CAMK1D: variants seen among roughly 807,000 people sequenced by gnomAD.
CAMK1D encodes calcium/calmodulin dependent protein kinase ID.
A neutral mutation model predicts 47.7 loss-of-function variants in CAMK1D; 9 were observed. The observed-to-expected ratio is 0.19, with a 90% confidence interval of 0.11 to 0.33. CAMK1D has a LOEUF of 0.33. Ranked by LOEUF, CAMK1D falls within the 10% of genes least tolerant of loss-of-function variation. CAMK1D has a pLI of 1.00. For synonymous variants in CAMK1D, 184 were observed against 184.9 expected (o/e 0.99, Z 0.04); for missense variants, 291 against 488.7 (o/e 0.60, Z 3.81).
intron 2 of CAMK1D, among the ~76,000 whole-genome samples, chr10:12,657,460 A>G (rs1240233593): frequency 1.3e-5 from 2 of 152,016 alleles, no homozygotes; most frequent in Admixed American, 6.5e-5. Flanking sequence ...ATAAATAAAA[A>G]CACCTTTCTG....
chr10:12,514,111 C>T (rs1835118001), intron 1 of CAMK1D, among the ~76,000 whole-genome samples: 1 of 152,166 alleles, frequency 6.6e-6, no homozygotes, highest in Non-Finnish European at 1.5e-5. Flanking sequence ...CATAATGGAT[C>T]TGAAAGTGCT....
intron 5 of CAMK1D, among the ~76,000 whole-genome samples, chr10:12,777,247 A>C (rs1400455642): frequency 6.6e-6 from 1 of 152,150 alleles, no homozygotes; most frequent in Non-Finnish European, 1.5e-5. Flanking sequence ...TGAAGTAGAA[A>C]GAGTGCTGGC....
chr10:12,659,903 A>C (rs916496972), intron 2 of CAMK1D, among the ~76,000 whole-genome samples: 9 of 152,154 alleles, frequency 5.9e-5, no homozygotes, highest in African/African-American at 2.2e-4. Context: ...AGTGCCTGAA[A>C]AGCGGACCGG....
intron 2 of CAMK1D, 73 bp from the exon 3 acceptor site, chr10:12,666,663 C>T: frequency 1.7e-6 from 2 of 1,204,546 alleles, no homozygotes; most frequent in East Asian, 2.3e-5. Context: ...CTTTTTGCTA[C>T]AATGCTGTCT....
chr10:12,396,545 C>T (rs1414007885), intron 1 of CAMK1D, among the ~76,000 whole-genome samples: 1 of 152,200 alleles, frequency 6.6e-6, no homozygotes, highest in Non-Finnish European at 1.5e-5. Flanking sequence ...CTTCCAGGCC[C>T]TCTGTGATGT....
At chr10:12,640,485 G>A (rs903524687) in intron 2 of CAMK1D, among the ~76,000 whole-genome samples, 2 of 152,048 alleles carry the variant, frequency 1.3e-5, no homozygotes, top group African/African-American at 2.4e-5. Flanking sequence ...TTGTATGGAT[G>A]GAAATGAGCC....
intron 1 of CAMK1D, among the ~76,000 whole-genome samples, chr10:12,486,676 G>A (rs1834229222): frequency 6.6e-6 from 1 of 152,218 alleles, no homozygotes; most frequent in Non-Finnish European, 1.5e-5. Flanking sequence ...TAAAAAGGCA[G>A]CAATGAAGCA....
chr10:12,615,463 TGA>T (rs1298979103), intron 2 of CAMK1D, among the ~76,000 whole-genome samples: 4 of 149,990 alleles, frequency 2.7e-5, no homozygotes, highest in Non-Finnish European at 4.4e-5. Flanking sequence ...TGTGTAGGTG[TGA>T]GTGTGTGCAC....
chr10:12,597,596 C>T (rs76963734), intron 2 of CAMK1D, among the ~76,000 whole-genome samples: 5,650 of 152,264 alleles, frequency 0.037, 285 homozygotes, highest in East Asian at 0.1. Flanking sequence ...AGGGGCACTT[C>T]CATGGCCCAG....
At chr10:12,621,582 C>A (rs1483738198) in intron 2 of CAMK1D, among the ~76,000 whole-genome samples, 5 of 152,082 alleles carry the variant, frequency 3.3e-5, no homozygotes. Context: ...TATACCTAAG[C>A]ATTTTCCTTA....
chr10:12,653,972 G>T (rs974002205), intron 2 of CAMK1D, among the ~76,000 whole-genome samples: 2 of 152,188 alleles, frequency 1.3e-5, no homozygotes, highest in Non-Finnish European at 2.9e-5. Flanking sequence ...ACCCTTCCAT[G>T]TGGGTATCAG....
At chr10:12,560,757 G>T (rs1300025040) in intron 2 of CAMK1D, among the ~76,000 whole-genome samples, 1 of 152,004 alleles carries the variant, frequency 6.6e-6, no homozygotes, top group Non-Finnish European at 1.5e-5. Context: ...TCTCTGGAAA[G>T]CTCGCACTGG....
intron 8 of CAMK1D, among the ~76,000 whole-genome samples, chr10:12,817,990 T>C (rs1419254105): frequency 6.6e-6 from 1 of 152,124 alleles, no homozygotes; most frequent in African/African-American, 2.4e-5. Context: ...CGCTGGCCTG[T>C]AGTGATTGTT....
chr10:12,767,624 G>A lies in CAMK1D; in HGVS notation c.439-2049G>A, dbSNP rs117357425. Among the ~76,000 whole-genome samples the A allele has an allele frequency of 2.0e-5, 3 of 152,308 alleles. No individual in the cohort carries two copies. The East Asian group carries it at 5.8e-4, about 29-fold the overall frequency. On this transcript the variant is annotated intron_variant, in intron 4 of 10. Transcript: ENST00000619168. ...GTAGGGAGACATGAGACATCAATCA[G>A]TATGTGTAAGATGTACATTGGCTAG...
At position 12,598,469 on chromosome 10, in the gene CAMK1D, C is replaced by T. The variant is rs143562976; in HGVS notation, c.224+45113C>T. Among the ~76,000 whole-genome samples, 470 of 152,294 alleles carry T rather than the reference C, an allele frequency of 3.1e-3. 1 individual carries two copies. Among genetic ancestry groups the T allele is most frequent in the African/African-American group, 0.011 (451 of 41,560 alleles). On this transcript the variant is annotated intron_variant, in intron 2 of 10. Transcript: ENST00000619168. ...CTATTTCTTGAGTACTTACTATGTA[C>T]TGGGCAGCATTTTCCATATCTCAGG...
intron 1 of CAMK1D, among the ~76,000 whole-genome samples, chr10:12,400,194 G>A (rs1316055172): frequency 2.0e-5 from 3 of 152,168 alleles, no homozygotes; most frequent in African/African-American, 7.2e-5. Context: ...GAATTTCAAG[G>A]GAGTGGCAAG....
Position 12,538,855 on chromosome 10 carries a change from A to C in CAMK1D, c.93-14370A>C, listed in dbSNP as rs951189210. 7.5e-5 allele frequency among the ~76,000 whole-genome samples: 11 copies of C among 146,408 alleles called. 1 individual carries two copies. Among genetic ancestry groups the C allele is most frequent in the Admixed American group, 7.1e-4 (10 of 14,084 alleles). On this transcript the variant is annotated intron_variant, in intron 1 of 10. Transcript: ENST00000619168. ...GTGGGGGAGGGGGGCAGTGGAACTC[A>C]TGTCCATATTGCAGGTGGCAAAACT...
At chr10:12,675,662 G>T (rs1449039400) in intron 3 of CAMK1D, among the ~76,000 whole-genome samples, 1 of 152,146 alleles carries the variant, frequency 6.6e-6, no homozygotes, top group Non-Finnish European at 1.5e-5. Flanking sequence ...CCACTGTGCT[G>T]TTCTTTTTTA....
At chr10:12,515,197 A>G (rs181065083) in intron 1 of CAMK1D, among the ~76,000 whole-genome samples, 1 of 151,970 alleles carries the variant, frequency 6.6e-6, no homozygotes, top group East Asian at 1.9e-4. Context: ...TTAAATTTAT[A>G]TGCAGTAAAA....
Sources: allele counts gnomAD v4.1 joint callset (sites outside exome capture counted in the v4.1 genomes callset), GRCh38; gene constraint gnomAD v4.1.1; transcripts MANE v1.5; gene names NCBI Gene and HGNC (gene_info 2026-07-23, HGNC 2026-07-21).